Variants in ZNF629 observed in about 807,000 individuals in gnomAD.
ZNF629 encodes DNA-binding protein.
ZNF629 carries 9 observed loss-of-function variants against 59.7 expected under a neutral mutation model. That is an observed-to-expected ratio of 0.15 (90% CI 0.09 to 0.26). ZNF629 has a LOEUF of 0.26. Among genes scored for constraint, ZNF629 ranks in the 10% least tolerant of loss-of-function variants. The pLI is 1.00. For missense variants in ZNF629, 853 were observed against 1,165.4 expected (o/e 0.73, Z 3.90); for synonymous variants, 509 against 498.9 (o/e 1.02, Z -0.27).
In ZNF629 at chr16:30,783,687, C is replaced by T; in HGVS notation, c.641G>A (p.Cys214Tyr). 1 of 1,612,958 alleles carries T rather than the reference C, an allele frequency of 6.2e-7. No individual in the cohort carries two copies. The highest frequency in any genetic ancestry group is 8.5e-7 in the Non-Finnish European group (1 of 1,179,570). The change falls in exon 3 of 3, where the codon TGC becomes TAC. Residue 214 changes from cysteine (C) to tyrosine (Y), a missense_variant. Transcript: ENST00000262525. ...CACCAGGTTGGAGCTCCAGCTGAAG[C>T]ACTTGCCGCAGTCGGGGCACTTGTA... Reference protein sequence around the residue: ...KPYKCPDCGKCFSWSSNLVQH... With the variant: ...KPYKCPDCGKYFSWSSNLVQH...
In ZNF629 at chr16:30,783,801, C is replaced by T. The variant is rs1256121412; in HGVS notation, c.527G>A (p.Arg176Gln). 1 of 1,611,176 alleles carries T rather than the reference C, an allele frequency of 6.2e-7. No homozygotes were observed. The highest frequency in any genetic ancestry group is 1.3e-5 in the African/African-American group (1 of 74,336). ...LRHQRIHTGE[R>Q]PNTCSECGKS... ...GCCGCACTCGGAGCAGGTGTTGGGC[C>T]GCTCTCCCGTGTGGATGCGCTGGTG... The change falls in exon 3 of 3, where the codon CGG (arginine) becomes CAG (glutamine). Residue 176 changes from arginine to glutamine, a missense_variant. By Grantham distance (43) the Arg-to-Gln change is conservative. Transcript: ENST00000262525.
At position 30,786,668 on chromosome 16, in the gene ZNF629, C is replaced by T. The variant is rs1423097608; in HGVS notation, c.-34+360G>A. 1.3e-5 allele frequency among the ~76,000 whole-genome samples: 2 copies of T among 151,536 alleles called. No homozygotes were observed. Among genetic ancestry groups the T allele is most frequent in the Non-Finnish European group, 3.0e-5 (2 of 67,728 alleles). ...CTTCTGCTCCCCCGGAGCCGCGACC[C>T]CCGTCCCGCTGCTGATACAGAGCCT... is the stretch of plus-strand genomic sequence containing the variant. On this transcript the variant is annotated intron_variant, in intron 1 of 2. Coordinates refer to ENST00000262525, the MANE Select transcript of ZNF629 (RefSeq NM_001080417.3). The surrounding 1 kb of genome is among the most constrained non-coding windows in gnomAD (Gnocchi z 4.8).
chr16:30,786,818 G>A lies in ZNF629; in HGVS notation c.-34+210C>T, dbSNP rs2054337456. Among the ~76,000 whole-genome samples, 1 of 151,756 alleles carries A rather than the reference G, an allele frequency of 6.6e-6. No individual in the cohort carries two copies. Among genetic ancestry groups the A allele is most frequent in the Non-Finnish European group, 1.5e-5 (1 of 67,854 alleles). ...CGATCCCTCTTCCCAGAATCCCCAG[G>A]CTCCCCTCCCCCGCCACCGACCCCC... On this transcript the variant is annotated intron_variant, in intron 1 of 2. Transcript: ENST00000262525. The surrounding 1 kb of genome is among the most constrained non-coding windows in gnomAD (Gnocchi z 4.8).
rs8048328 is a variant in ZNF629, at chr16:30,785,598, G to A, written c.-33-1083C>T. ...ACTAGGCCTGCTGGTCTGCACCCATGAGCTGGAACCATACTCCCCACCAAA... is the reference window on the plus strand; with the variant it reads ...ACTAGGCCTGCTGGTCTGCACCCATAAGCTGGAACCATACTCCCCACCAAA... On this transcript the variant is annotated intron_variant, in intron 1 of 2. Transcript: ENST00000262525. 7.7e-3 allele frequency among the ~76,000 whole-genome samples: 1,164 copies of A among 152,136 alleles called. 10 individuals carry two copies. Among genetic ancestry groups the A allele is most frequent in the African/African-American group, 0.026 (1,088 of 41,496 alleles).
In ZNF629 at chr16:30,784,515, C is replaced by T; in HGVS notation, c.-33G>A. ...CTCAGGACTGCAGTGTTCCAGGGACCCTGCGGGGGAAGACAGCGATGAGCG... is the reference window on the plus strand; with the variant it reads ...CTCAGGACTGCAGTGTTCCAGGGACTCTGCGGGGGAAGACAGCGATGAGCG... On this transcript the variant is annotated splice_region_variant and 5_prime_UTR_variant, in exon 2 of 3. Transcript: ENST00000262525. 6.6e-7 allele frequency: 1 copy of T among 1,509,444 alleles called. No homozygotes were observed. The highest frequency in any genetic ancestry group is 8.8e-7 in the Non-Finnish European group (1 of 1,131,392). 93.5% of individuals were successfully genotyped at this position (1,509,444 alleles called of 1,614,324 possible). A position where few individuals can be genotyped will look rare whatever the true frequency, so the allele number is the denominator to read the frequency against.
chr16:30,787,065 AG>A lies in ZNF629; in HGVS notation c.-72del, dbSNP rs1228478340. 6.5e-6 allele frequency: 1 copy of A among 152,702 alleles called. No homozygotes were observed. Among genetic ancestry groups the A allele is most frequent in the Non-Finnish European group, 1.5e-5 (1 of 68,118 alleles). 9.5% of individuals were successfully genotyped at this position (152,702 alleles called of 1,614,324 possible). A position where few individuals can be genotyped will look rare whatever the true frequency, so the allele number is the denominator to read the frequency against. ...TGGGAAAAGCCGGAAGGCGGAATCC[AG>A]CCCCAGGGGACTTAACCCCTTCAGT... On this transcript the variant is annotated 5_prime_UTR_variant, in exon 1 of 3. Coordinates refer to ENST00000262525, the MANE Select transcript of ZNF629 (RefSeq NM_001080417.3).
rs1459424682 is a variant in ZNF629 at position 30,782,509 on chromosome 16, C to T, written c.1819G>A (p.Ala607Thr). The change falls in exon 3 of 3, where the codon GCA (alanine) becomes ACA (threonine). Residue 607 changes from alanine (A) to threonine (T), a missense_variant. Physicochemically the swap from Ala to Thr is moderately conservative, Grantham distance 58. Coordinates refer to ENST00000262525, the MANE Select transcript of ZNF629 (RefSeq NM_001080417.3). Reference sequence around the variant, plus strand: ...CGTAACTGAGGAGGTTTGGGGGCTGCGTGTGCGATGAGGCCGTCTGCATTT... The same window carrying T: ...CGTAACTGAGGAGGTTTGGGGGCTGTGTGTGCGATGAGGCCGTCTGCATTT... ...YKNADGLIAH[A>T]APKPPQLRSP... 1 of 1,564,808 alleles carries T rather than the reference C, an allele frequency of 6.4e-7. No homozygotes were observed. The highest frequency in any genetic ancestry group is 8.7e-7 in the Non-Finnish European group (1 of 1,154,056).
Position 30,784,067 on chromosome 16 carries a change from G to T in ZNF629, c.261C>A (p.Asp87Glu). 6.3e-7 allele frequency: 1 copy of T among 1,595,906 alleles called. No individual in the cohort carries two copies. ...CTGGGGGGTCCAGGGGGATCTGGTG[G>T]TCCAAGGGATTGGAGTGACCCAGTG... ...PTPLGHSNPLDHQIPLDPPAP... is the reference protein window; with the variant it reads ...PTPLGHSNPLEHQIPLDPPAP... Residue 87 changes from aspartate (D) to glutamate (E), a missense_variant, in exon 3 of 3, where the codon GAC (aspartate) becomes GAA (glutamate). Transcript: ENST00000262525.
rs779704906 is a variant in ZNF629 at position 30,782,997 on chromosome 16, G to A, written c.1331C>T (p.Thr444Ile). The change falls in exon 3 of 3, where the codon ACC (threonine) becomes ATC (isoleucine). Residue 444 changes from threonine (T) to isoleucine (I), a missense_variant. Thr to Ile is a moderately conservative substitution (Grantham distance 89). Transcript: ENST00000262525. ...DCGKSFIMSS[T>I]LIRHQRIHTG... ...GTGGATGCGCTGGTGGCGGATAAGGGTGGAGCTCATGATGAAGCTCTTGCC... is the reference window on the plus strand; with the variant it reads ...GTGGATGCGCTGGTGGCGGATAAGGATGGAGCTCATGATGAAGCTCTTGCC... The A allele has an allele frequency of 6.2e-7, 1 of 1,613,306 alleles. No individual in the cohort carries two copies. Among genetic ancestry groups the A allele is most frequent in the Admixed American group, 1.7e-5 (1 of 59,966 alleles).
At chr16:30,784,283 C>T (rs753660706) in intron 2 of ZNF629, 29 bp from the exon 3 acceptor site, 10 of 1,578,720 alleles carry the variant, frequency 6.3e-6, no homozygotes, top group South Asian at 4.6e-5. Context: ...TCTACAGCCC[C>T]CAGCCCCTTT....
rs973715005 is a variant in ZNF629, at chr16:30,783,479, G to T, written c.849C>A (p.Thr283=). 6.2e-7 allele frequency: 1 copy of T among 1,613,610 alleles called. No homozygotes were observed. Among genetic ancestry groups the T allele is most frequent in the Non-Finnish European group, 8.5e-7 (1 of 1,179,868 alleles). The stretch of plus-strand genomic sequence containing the variant: ...ACTTGTAGGGTTTCTCGCCTGTGTG[G>T]GTGGCCTGGTGCTGGATGAGGTCCG... ...RSSDLIQHQA[T]HTGEKPYKCP... The change falls in exon 3 of 3, where the codon ACC becomes ACA. Residue 283 remains threonine (T), a synonymous_variant. Transcript: ENST00000262525.
Position 30,781,988 on chromosome 16 carries a change from G to C in ZNF629, c.2340C>G (p.Arg780=). 6.4e-7 allele frequency: 1 copy of C among 1,563,646 alleles called. No individual in the cohort carries two copies. Among genetic ancestry groups the C allele is most frequent in the Non-Finnish European group, 8.7e-7 (1 of 1,155,438 alleles). Residue 780 remains arginine, a synonymous_variant, in exon 3 of 3, where the codon CGC becomes CGG. Transcript: ENST00000262525. Reference sequence around the variant, plus strand: ...TTTCTTGGTGCCGGGTGAGGGCCACGCGGTCGAGGAAGGAGGCCCTGCAAT... The same window carrying C: ...TTTCTTGGTGCCGGGTGAGGGCCACCCGGTCGAGGAAGGAGGCCCTGCAAT... The part of the protein sequence containing the change: ...CSDCRASFLD[R]VALTRHQETH...
In ZNF629 at chr16:30,786,745, C is replaced by T. The variant is rs964574569; in HGVS notation, c.-34+283G>A. On this transcript the variant is annotated intron_variant, in intron 1 of 2. Transcript: ENST00000262525. This position sits in a 1 kb window ranked among gnomAD's most constrained non-coding sequence, Gnocchi z 4.8. ...GGGGTCCCGGCTCCTTCCAGCACTG[C>T]CAGGCTCCTCCAGGGCTGCGCTGGC... 2.0e-5 allele frequency among the ~76,000 whole-genome samples: 3 copies of T among 151,816 alleles called. No individual in the cohort carries two copies. The East Asian group carries it at 5.8e-4, about 29-fold the overall frequency.
chr16:30,784,805 G>T (rs994571436), intron 1 of ZNF629, among the ~76,000 whole-genome samples: 5 of 152,196 alleles, frequency 3.3e-5, no homozygotes, highest in African/African-American at 1.2e-4. Flanking sequence ...GGCTGGAGCG[G>T]TCTCTGACAT....
chr16:30,781,934 G>A lies in ZNF629; in HGVS notation c.2394C>T (p.Pro798=), dbSNP rs2054285115. ...ETHTQEKPPN[P]EDPPPEAVTL... The stretch of plus-strand genomic sequence containing the variant: ...TGACTGCCTCTGGAGGGGGGTCCTC[G>A]GGATTGGGGGGTTTTTCCTGGGTGT... The change falls in exon 3 of 3, where the codon CCC becomes CCT. Residue 798 remains proline, a synonymous_variant. Coordinates refer to ENST00000262525, the MANE Select transcript of ZNF629 (RefSeq NM_001080417.3). The A allele has an allele frequency of 3.3e-6, 5 of 1,534,920 alleles. No individual in the cohort carries two copies. The highest frequency in any genetic ancestry group is 4.4e-6 in the Non-Finnish European group (5 of 1,141,720).
In ZNF629 at chr16:30,780,319, G is replaced by A. The variant is rs2054269323; in HGVS notation, c.*1399C>T. The A allele has an allele frequency of 6.6e-6, 1 of 152,510 alleles. No homozygotes were observed. Among genetic ancestry groups the A allele is most frequent in the Non-Finnish European group, 1.5e-5 (1 of 68,034 alleles). 9.4% of individuals were successfully genotyped at this position (152,510 alleles called of 1,614,324 possible). A position where few individuals can be genotyped will look rare whatever the true frequency, so the allele number is the denominator to read the frequency against. On this transcript the variant is annotated 3_prime_UTR_variant, in exon 3 of 3. Coordinates refer to ENST00000262525, the MANE Select transcript of ZNF629 (RefSeq NM_001080417.3). Reference sequence around the variant, plus strand: ...CTGTGGGGTGTCTGGATCCCCACCAGGGAGGAGGGCTGCCTTATCCTGCGG... The same window carrying A: ...CTGTGGGGTGTCTGGATCCCCACCAAGGAGGAGGGCTGCCTTATCCTGCGG...
rs1479082249 is a variant in ZNF629, at chr16:30,779,818, C to G, written c.*1900G>C. The G allele has an allele frequency of 6.6e-6, 1 of 152,226 alleles. No homozygotes were observed. Among genetic ancestry groups the G allele is most frequent in the African/African-American group, 2.4e-5 (1 of 41,452 alleles). The allele number at this position is 152,226 out of a possible 1,614,324, so 9.4% of individuals were successfully genotyped here. A position where few individuals can be genotyped will look rare whatever the true frequency, so the allele number is the denominator to read the frequency against. On this transcript the variant is annotated 3_prime_UTR_variant, in exon 3 of 3. Transcript: ENST00000262525. ...ACGTGACTCCTGACGGGCCCCACAGCTGGCATCTCAGTCCTCTTACTCCAG... is the reference window on the plus strand; with the variant it reads ...ACGTGACTCCTGACGGGCCCCACAGGTGGCATCTCAGTCCTCTTACTCCAG...
rs746222268 is a variant in ZNF629 at position 30,783,031 on chromosome 16, C to T, written c.1297G>A (p.Ala433Thr). Residue 433 changes from alanine to threonine, a missense_variant, in exon 3 of 3, where the codon GCC (alanine) becomes ACC (threonine). Ala to Thr is a moderately conservative substitution (Grantham distance 58). Around this residue, in one of 3 missense-constraint regions of ZNF629, gnomAD observed 201 missense variants for 536.5 expected, o/e 0.37. Transcript: ENST00000262525. ...ATGATGAAGCTCTTGCCGCAGTCGG[C>T]GCAGATGTAGGGCCGCTCGCCGCGG... The part of the protein sequence containing the change: ...IHRGERPYIC[A>T]DCGKSFIMSS... The T allele has an allele frequency of 6.2e-6, 10 of 1,610,350 alleles. No individual in the cohort carries two copies. Among genetic ancestry groups the T allele is most frequent in the South Asian group, 1.1e-5 (1 of 90,932 alleles).
chr16:30,778,527 A>G lies in ZNF629; in HGVS notation c.*3191T>C, dbSNP rs1258909788. ...AGTGACACAACACTGTTTTGGACAC[A>G]CAACACTCAAAAATGGGGCCTCTCT... On this transcript the variant is annotated 3_prime_UTR_variant, in exon 3 of 3. Coordinates refer to ENST00000262525, the MANE Select transcript of ZNF629 (RefSeq NM_001080417.3). 1 of 152,710 alleles carries G rather than the reference A, an allele frequency of 6.5e-6. No individual in the cohort carries two copies. Among genetic ancestry groups the G allele is most frequent in the African/African-American group, 2.4e-5 (1 of 41,450 alleles). 9.5% of individuals were successfully genotyped at this position (152,710 alleles called of 1,614,324 possible).
Sources: gnomAD v4.1 joint callset for allele counts (sites outside exome capture counted in the v4.1 genomes callset) on GRCh38, gnomAD v4.1.1 for gene constraint, gnomAD v4.1.1 regional missense constraint, Gnocchi (gnomAD v3.1) non-coding constraint, MANE v1.5 for transcripts, NCBI Gene and HGNC (gene_info 2026-07-23, HGNC 2026-07-21) for gene names.